MGAT4C: variants seen among roughly 807,000 people sequenced by gnomAD.
MGAT4C encodes MGAT4 family member C.
In MGAT4C, 19 loss-of-function variants were observed where a neutral mutation model predicts 40.1. The observed-to-expected ratio is 0.47, with a 90% CI of 0.33 to 0.70. The LOEUF is 0.70. Ranked by LOEUF, MGAT4C falls within the 30% of genes least tolerant of loss-of-function variation. The probability of loss-of-function intolerance (pLI) is 0.02; values close to 1 mark genes in which losing one functional copy is unlikely to be tolerated. For synonymous variants in MGAT4C, 181 were observed against 187.1 expected, an observed-to-expected ratio of 0.97 and a Z score of 0.27; for missense variants, 491 against 563.2, an observed-to-expected ratio of 0.87 and a Z score of 1.30.
At chr12:86,645,558 CTA>C (rs1256929918) in intron 2 of MGAT4C, among the ~76,000 whole-genome samples, 1 of 151,706 alleles carries the variant, frequency 6.6e-6, no homozygotes, top group African/African-American at 2.4e-5. Flanking sequence ...ATTTCTATCC[CTA>C]TACTCTACAC....
intron 2 of MGAT4C, among the ~76,000 whole-genome samples, chr12:86,596,208 TA>T (rs1565873233): frequency 6.6e-6 from 1 of 151,726 alleles, no homozygotes; most frequent in Non-Finnish European, 1.5e-5. Context: ...TTAAAATAAA[TA>T]AATAAATAAA....
Position 86,280,211 on chromosome 12 carries a change from G to T in MGAT4C, c.-57+53854C>A, listed in dbSNP as rs12296316. Among the ~76,000 whole-genome samples, 1,041 of 152,068 alleles carry T rather than the reference G, an allele frequency of 6.8e-3. 13 individuals carry two copies. Among genetic ancestry groups the T allele is most frequent in the African/African-American group, 0.024 (999 of 41,530 alleles). ...TTTTTTGTTGATTTTCTGCCTGAAA[G>T]ATTTGTCCAATGCTGAAAGTGAGGT... On this transcript the variant is annotated intron_variant, in intron 4 of 7. Transcript: ENST00000548651.
intron 2 of MGAT4C, among the ~76,000 whole-genome samples, chr12:86,004,576 T>A (rs940755930): frequency 3.9e-5 from 6 of 152,156 alleles, no homozygotes; most frequent in South Asian, 2.1e-4. Context: ...TTAAGGATTT[T>A]CAGAACTAGA....
At chr12:86,362,777 G>C (rs1220659999) in intron 3 of MGAT4C, among the ~76,000 whole-genome samples, 5 of 149,722 alleles carry the variant, frequency 3.3e-5, no homozygotes, top group African/African-American at 1.2e-4. Flanking sequence ...TGAGGCAGGA[G>C]AGTGGCGTGA....
At chr12:86,094,473 A>G (rs1873522253) in intron 1 of MGAT4C, among the ~76,000 whole-genome samples, 1 of 152,160 alleles carries the variant, frequency 6.6e-6, no homozygotes, top group African/African-American at 2.4e-5. Context: ...GTGAATATGT[A>G]TACATATGCC....
At chr12:86,260,711 A>G (rs1465115235), upstream of MGAT4C, among the ~76,000 whole-genome samples, 1 of 152,088 alleles carries the variant, frequency 6.6e-6, no homozygotes, top group Non-Finnish European at 1.5e-5. Context: ...GCACCATGAC[A>G]AGGAGCAAGT....
chr12:86,464,686 T>C lies in MGAT4C; in HGVS notation c.-228-29421A>G, dbSNP rs954606204. ...TTTCTTTACAAATAAGCATTTATTT[T>C]GTTTATTCAATTAGATCTTTTACAA... On this transcript the variant is annotated intron_variant, in intron 2 of 7. Transcript: ENST00000548651. 6.6e-5 allele frequency among the ~76,000 whole-genome samples: 10 copies of C among 152,284 alleles called. No homozygotes were observed. The East Asian group carries it at 1.9e-3, about 29-fold the overall frequency.
At chr12:86,216,479 G>C (rs181063543) in intron 1 of MGAT4C, among the ~76,000 whole-genome samples, 2 of 152,110 alleles carry the variant, frequency 1.3e-5, no homozygotes, top group Non-Finnish European at 2.9e-5. Context: ...GGATCTAGAA[G>C]TTTTTTAAGA....
intron 1 of MGAT4C, among the ~76,000 whole-genome samples, chr12:86,164,850 C>T (rs766155852): frequency 6.6e-5 from 10 of 152,058 alleles, no homozygotes; most frequent in South Asian, 4.2e-4. Context: ...TGAGATTGGA[C>T]GTGAAAAGAC....
intron 1 of MGAT4C, among the ~76,000 whole-genome samples, chr12:86,091,043 G>C (rs10506927): frequency 0.21 from 31,232 of 151,740 alleles, 4,227 homozygotes; most frequent in African/African-American, 0.38. Flanking sequence ...AATGTACCAA[G>C]TGAAATGAGA....
intron 3 of MGAT4C, among the ~76,000 whole-genome samples, chr12:86,418,369 G>T (rs920407188): frequency 6.6e-6 from 1 of 152,040 alleles, no homozygotes; most frequent in Non-Finnish European, 1.5e-5. Context: ...TTGGGAGGCC[G>T]AGATGTGCAA....
intron 1 of MGAT4C, among the ~76,000 whole-genome samples, chr12:86,197,484 A>C (rs1331848001): frequency 6.6e-6 from 1 of 151,486 alleles, no homozygotes; most frequent in Non-Finnish European, 1.5e-5. Context: ...TAGCACCCTT[A>C]TAAAAGGAAC....
intron 1 of MGAT4C, among the ~76,000 whole-genome samples, chr12:86,095,874 T>C (rs1050907899): frequency 1.1e-4 from 16 of 151,922 alleles, no homozygotes; most frequent in Non-Finnish European, 1.6e-4. Flanking sequence ...TTACTTAGTC[T>C]TAAAATATAG....
chr12:86,122,947 C>T (rs983415753), intron 1 of MGAT4C, among the ~76,000 whole-genome samples: 12 of 152,060 alleles, frequency 7.9e-5, no homozygotes, highest in African/African-American at 2.7e-4. Flanking sequence ...GCATTGATAG[C>T]GGCATTAAAA....
intron 1 of MGAT4C, among the ~76,000 whole-genome samples, chr12:86,742,663 T>C (rs1168033505): frequency 1.3e-5 from 2 of 151,438 alleles, no homozygotes; most frequent in African/African-American, 2.4e-5. Context: ...AGCCATTGAG[T>C]TTCTGGAGGT....
At chr12:86,815,655 A>G (rs1172196673) in intron 1 of MGAT4C, among the ~76,000 whole-genome samples, 3 of 151,442 alleles carry the variant, frequency 2.0e-5, no homozygotes, top group Admixed American at 1.3e-4. Flanking sequence ...AATTTATATT[A>G]TATGATAGAA....
At chr12:86,627,773 C>T (rs571675212) in intron 2 of MGAT4C, among the ~76,000 whole-genome samples, 34 of 152,118 alleles carry the variant, frequency 2.2e-4, no homozygotes, top group Non-Finnish European at 3.7e-4. Context: ...TAGATAAAAC[C>T]ACACAGATGG....
chr12:86,821,382 T>G (rs1361348256), intron 1 of MGAT4C, among the ~76,000 whole-genome samples: 1 of 150,888 alleles, frequency 6.6e-6, no homozygotes, highest in African/African-American at 2.4e-5. Context: ...GGATGCATAA[T>G]TTTGCATACT....
chr12:86,508,507 C>T (rs1213332007), intron 2 of MGAT4C, among the ~76,000 whole-genome samples: 4 of 151,868 alleles, frequency 2.6e-5, no homozygotes, highest in African/African-American at 4.8e-5. Context: ...TGAATAATGC[C>T]GCAATAAACA....
Sources: allele counts gnomAD v4.1 joint callset (sites outside exome capture counted in the v4.1 genomes callset), GRCh38; gene constraint gnomAD v4.1.1; transcripts MANE v1.5; gene names NCBI Gene and HGNC (gene_info 2026-07-23, HGNC 2026-07-21).